EIF4G3: variants seen among roughly 807,000 people sequenced by gnomAD.
The protein encoded by EIF4G3 is eIF-4-gamma 3.
Under a neutral mutation model 186.4 loss-of-function variants are expected in EIF4G3, and 34 were observed. That is an observed-to-expected ratio of 0.18 (90% CI 0.14 to 0.24). EIF4G3 has a LOEUF of 0.24. Among genes scored for constraint, EIF4G3 ranks in the 10% least tolerant of loss-of-function variants. The pLI, the probability that EIF4G3 is intolerant of heterozygous loss-of-function variation, is 1.00. For synonymous variants in EIF4G3, 673 were observed against 679.5 expected (o/e 0.99, Z 0.15); for missense variants, 1,536 against 1,948.5 (o/e 0.79, Z 3.99).
At chr1:20,941,352 A>G in intron 14 of EIF4G3, 139 bp downstream of exon 14, 1 of 1,588,370 alleles carries the variant, frequency 6.3e-7, no homozygotes, top group Non-Finnish European at 8.6e-7. Context: ...CAAACACACC[A>G]CTGAAGAAAC....
At chr1:21,031,105 G>C (rs2092697846) in intron 4 of EIF4G3, among the ~76,000 whole-genome samples, 1 of 151,944 alleles carries the variant, frequency 6.6e-6, no homozygotes, top group Non-Finnish European at 1.5e-5. Flanking sequence ...AGAATCACTT[G>C]AACCCAGGAG....
At chr1:20,913,110 T>G (rs143747334) in intron 14 of EIF4G3, among the ~76,000 whole-genome samples, 11 of 152,332 alleles carry the variant, frequency 7.2e-5, no homozygotes, top group Non-Finnish European at 1.0e-4. Flanking sequence ...TTATTTGAAA[T>G]GTATGTTGAC....
chr1:20,809,365 G>A (rs1423898648), intron 36 of EIF4G3, among the ~76,000 whole-genome samples: 2 of 152,084 alleles, frequency 1.3e-5, no homozygotes, highest in South Asian at 4.1e-4. Flanking sequence ...CTCCAAGAGC[G>A]ATTCAGGACT....
intron 30 of EIF4G3, among the ~76,000 whole-genome samples, chr1:20,835,942 GA>G (rs59656819): frequency 3.1e-4 from 42 of 137,226 alleles, no homozygotes; most frequent in South Asian, 2.3e-4. Flanking sequence ...ATCTCAGAGA[GA>G]AAAAAAAAAA....
At chr1:20,964,808 AC>A (rs1247931089) in intron 12 of EIF4G3, among the ~76,000 whole-genome samples, 3 of 152,118 alleles carry the variant, frequency 2.0e-5, no homozygotes, top group Admixed American at 2.0e-4. Flanking sequence ...CCATGATAAA[AC>A]CTAATGGTTA....
At chr1:21,064,841 TGTGGA>T (rs2095146471) in intron 3 of EIF4G3, 1 of 152,206 alleles carries the variant, frequency 6.6e-6, no homozygotes, top group Non-Finnish European at 1.5e-5. Context: ...CCTCAGAAGA[TGTGGA>T]GTGAAGACTT....
intron 13 of EIF4G3, among the ~76,000 whole-genome samples, chr1:20,949,302 T>C (rs1340624445): frequency 6.6e-6 from 1 of 152,216 alleles, no homozygotes; most frequent in Non-Finnish European, 1.5e-5. Flanking sequence ...GGCACAGTAT[T>C]TATTTCAACA....
intron 3 of EIF4G3, among the ~76,000 whole-genome samples, chr1:21,052,279 C>A (rs947547135): frequency 2.0e-5 from 3 of 152,188 alleles, no homozygotes; most frequent in African/African-American, 7.2e-5. Context: ...CCCTCTCATA[C>A]ACTAATGCAG....
At chr1:20,908,229 T>C (rs1020518751) in intron 14 of EIF4G3, among the ~76,000 whole-genome samples, 15 of 152,292 alleles carry the variant, frequency 9.8e-5, no homozygotes, top group Non-Finnish European at 1.5e-4. Context: ...TTGCCCACTT[T>C]TTGATGGGGT....
At chr1:21,058,176 A>T (rs899458301) in intron 3 of EIF4G3, among the ~76,000 whole-genome samples, 2 of 152,168 alleles carry the variant, frequency 1.3e-5, no homozygotes, top group Non-Finnish European at 2.9e-5. Flanking sequence ...AGAGCAAGAG[A>T]AATACCCCCT....
intron 35 of EIF4G3, among the ~76,000 whole-genome samples, chr1:20,811,937 A>C (rs1316088456): frequency 6.6e-6 from 1 of 152,200 alleles, no homozygotes; most frequent in Non-Finnish European, 1.5e-5. Flanking sequence ...AATAATTGGA[A>C]CCATTTTGTT....
At chr1:20,916,191 T>A (rs531251901) in intron 14 of EIF4G3, among the ~76,000 whole-genome samples, 1 of 151,944 alleles carries the variant, frequency 6.6e-6, no homozygotes, top group Non-Finnish European at 1.5e-5. Context: ...AAGAATACTT[T>A]AAAAAATGCC....
chr1:21,076,360 A>G (rs2095587333), intron 3 of EIF4G3, among the ~76,000 whole-genome samples: 1 of 152,184 alleles, frequency 6.6e-6, no homozygotes, highest in Non-Finnish European at 1.5e-5. Context: ...TAGTAAAACG[A>G]AAGTTTATTG....
intron 4 of EIF4G3, among the ~76,000 whole-genome samples, chr1:21,047,744 G>A (rs2093976878): frequency 6.6e-6 from 1 of 152,088 alleles, no homozygotes; most frequent in Non-Finnish European, 1.5e-5. Context: ...CTCAGAGTGG[G>A]CAGAAGGGAA....
At chr1:21,097,757 T>C (rs1475637005) in intron 2 of EIF4G3, among the ~76,000 whole-genome samples, 1 of 152,174 alleles carries the variant, frequency 6.6e-6, no homozygotes, top group Non-Finnish European at 1.5e-5. Flanking sequence ...TGAAAAACCA[T>C]ATGCAAACCA....
chr1:21,119,169 A>G (rs1279049571), intron 2 of EIF4G3, among the ~76,000 whole-genome samples: 4 of 152,120 alleles, frequency 2.6e-5, no homozygotes, highest in Admixed American at 2.6e-4. Flanking sequence ...TCTGAAGCCT[A>G]TCTAGTTTAA....
At chr1:20,919,389 G>C (rs2094273585) in intron 14 of EIF4G3, among the ~76,000 whole-genome samples, 1 of 152,016 alleles carries the variant, frequency 6.6e-6, no homozygotes, top group Non-Finnish European at 1.5e-5. Flanking sequence ...TTGTATTGTA[G>C]AGACAGGATT....
intron 14 of EIF4G3, among the ~76,000 whole-genome samples, chr1:20,923,351 A>T (rs1415422251): frequency 6.6e-6 from 1 of 152,176 alleles, no homozygotes; most frequent in Non-Finnish European, 1.5e-5. Context: ...GATGACTCCA[A>T]TGAGACCACT....
intron 7 of EIF4G3, among the ~76,000 whole-genome samples, chr1:20,983,842 T>C (rs2078828495): frequency 6.6e-6 from 1 of 152,038 alleles, no homozygotes; most frequent in South Asian, 2.1e-4. Context: ...TACGGGGTGG[T>C]AAGGAGAGGA....
Sources: gnomAD v4.1 joint callset for allele counts (sites outside exome capture counted in the v4.1 genomes callset) on GRCh38, gnomAD v4.1.1 for gene constraint, MANE v1.5 for transcripts, NCBI Gene and HGNC (gene_info 2026-07-23, HGNC 2026-07-21) for gene names.